Variants in EVC2 observed in about 807,000 individuals in gnomAD.
EVC2 encodes EvC ciliary complex subunit 2, also known as limbin.
A neutral mutation model predicts 149.3 loss-of-function variants in EVC2; 148 were observed. The ratio of observed to expected loss-of-function variants is 0.99; its 90% CI spans 0.87 to 1.14. The LOEUF (loss-of-function observed/expected upper bound fraction) is 1.14, where lower values mean the gene tolerates loss of function less well. Among genes scored for constraint, EVC2 ranks in the 50% most tolerant of loss-of-function variants. The probability of loss-of-function intolerance (pLI) is 0.00; values close to 1 mark genes in which losing one functional copy is unlikely to be tolerated. For missense variants in EVC2, 1,854 were observed against 1,627.3 expected, an observed-to-expected ratio of 1.14 and a Z score of -2.40; for synonymous variants, 776 against 649.9, an observed-to-expected ratio of 1.19 and a Z score of -2.95.
Position 5,681,654 on chromosome 4 carries a change from T to C in EVC2, c.817-341A>G, listed in dbSNP as rs147153335. The stretch of plus-strand genomic sequence containing the variant: ...CTCCACTCTCCCAGCGTCTGCCTCC[T>C]TCACAGAGGTAGATGGAATCCTGGG... On this transcript the variant is annotated intron_variant, in intron 6 of 21. Coordinates refer to ENST00000344408, the MANE Select transcript of EVC2 (RefSeq NM_147127.5). Among the ~76,000 whole-genome samples, 711 of 152,340 alleles carry C rather than the reference T, an allele frequency of 4.7e-3. 5 individuals carry two copies. The highest frequency in any genetic ancestry group is 0.016 in the African/African-American group (671 of 41,580).
intron 17 of EVC2, among the ~76,000 whole-genome samples, chr4:5,579,097 G>A (rs1711533075): frequency 6.6e-6 from 1 of 152,134 alleles, no homozygotes; most frequent in Non-Finnish European, 1.5e-5. Context: ...TAAATGTAGA[G>A]CTGGGGATGG....
chr4:5,684,019 CAG>C (rs1480220040), intron 6 of EVC2, among the ~76,000 whole-genome samples: 3 of 152,186 alleles, frequency 2.0e-5, no homozygotes, highest in African/African-American at 7.2e-5. Context: ...TCATTTCATT[CAG>C]AGTTTCTGAT....
intron 21 of EVC2, among the ~76,000 whole-genome samples, chr4:5,550,184 C>A (rs2108759054): frequency 6.6e-6 from 1 of 152,236 alleles, no homozygotes; most frequent in East Asian, 1.9e-4. Flanking sequence ...AATGTGGAAG[C>A]AACTTTGGAA....
intron 9 of EVC2, among the ~76,000 whole-genome samples, chr4:5,643,647 G>A (rs1026127362): frequency 1.3e-5 from 2 of 152,194 alleles, no homozygotes; most frequent in South Asian, 4.2e-4. Context: ...CAGGCTGGGT[G>A]CAGTGGCTCA....
intron 7 of EVC2, among the ~76,000 whole-genome samples, chr4:5,678,590 A>T (rs1448302765): frequency 6.6e-6 from 1 of 152,230 alleles, no homozygotes; most frequent in Non-Finnish European, 1.5e-5. Context: ...AACACCACAG[A>T]GTGACTTACA....
intron 16 of EVC2, among the ~76,000 whole-genome samples, chr4:5,591,977 GT>G (rs1288068342): frequency 6.6e-6 from 1 of 152,154 alleles, no homozygotes; most frequent in Non-Finnish European, 1.5e-5. Flanking sequence ...GCATTATAAT[GT>G]CCTTTAAACA....
intron 16 of EVC2, among the ~76,000 whole-genome samples, chr4:5,602,272 A>C (rs1204110037): frequency 1.3e-5 from 2 of 149,638 alleles, no homozygotes; most frequent in African/African-American, 5.0e-5. Flanking sequence ...CCTGAGCTAC[A>C]GAGCAAGACA....
At chr4:5,559,129 A>C (rs1292178304), downstream of EVC2, among the ~76,000 whole-genome samples, 1 of 152,134 alleles carries the variant, frequency 6.6e-6, no homozygotes, top group Non-Finnish European at 1.5e-5. This position sits in a 1 kb window ranked among gnomAD's most constrained non-coding sequence, Gnocchi z 5.0. Context: ...AGGATCACTT[A>C]ACTTGGAAAG....
chr4:5,655,067 A>G (rs925517843), intron 9 of EVC2, among the ~76,000 whole-genome samples: 2 of 152,332 alleles, frequency 1.3e-5, no homozygotes, highest in South Asian at 2.1e-4. Flanking sequence ...TTTGTCACAC[A>G]GAACTCCTCA....
At chr4:5,607,686 C>A (rs1479060286) in intron 16 of EVC2, among the ~76,000 whole-genome samples, 1 of 152,140 alleles carries the variant, frequency 6.6e-6, no homozygotes, top group South Asian at 2.1e-4. Flanking sequence ...ATTAGTTGCA[C>A]AGCCACTCAT....
intron 9 of EVC2, among the ~76,000 whole-genome samples, chr4:5,642,688 G>A (rs989522519): frequency 9.2e-5 from 14 of 152,144 alleles, no homozygotes; most frequent in African/African-American, 3.4e-4. Context: ...CTGCTTTCCA[G>A]AAGAGACCCC....
At position 5,624,492 on chromosome 4, in the gene EVC2, T is replaced by C. The variant is rs148016381; in HGVS notation, c.2046+1257A>G. Among the ~76,000 whole-genome samples the C allele has an allele frequency of 6.0e-3, 919 of 152,304 alleles. 12 individuals are homozygous for C. Among genetic ancestry groups the C allele is most frequent in the African/African-American group, 0.021 (862 of 41,566 alleles). On this transcript the variant is annotated intron_variant, in intron 13 of 21. Coordinates refer to ENST00000344408, the MANE Select transcript of EVC2 (RefSeq NM_147127.5). ...AGGTGTCAGGCAGTGTTCTCAACAG[T>C]GGGGATGCAACGTAAGTTTTTGCCT...
At chr4:5,578,832 A>C (rs368567791) in intron 17 of EVC2, among the ~76,000 whole-genome samples, 125 of 152,220 alleles carry the variant, frequency 8.2e-4, no homozygotes, top group African/African-American at 2.9e-3. Context: ...CTGCTTCGGG[A>C]TGGAGGGTTA....
At chr4:5,612,649 A>G (rs987193144) in intron 16 of EVC2, among the ~76,000 whole-genome samples, 12 of 152,268 alleles carry the variant, frequency 7.9e-5, no homozygotes, top group Admixed American at 2.6e-4. Flanking sequence ...GAGGCCGGGC[A>G]TGGTGGCTCA....
the EVC2 span, among the ~76,000 whole-genome samples, chr4:5,530,290 C>T: frequency 6.6e-6 from 1 of 152,190 alleles, no homozygotes; most frequent in Non-Finnish European, 1.5e-5. Context: ...TCCTTTACAA[C>T]AGACATTGTG....
At chr4:5,551,577 G>T (rs1334404510) in intron 21 of EVC2, among the ~76,000 whole-genome samples, 3 of 152,174 alleles carry the variant, frequency 2.0e-5, no homozygotes, top group African/African-American at 7.2e-5. Context: ...TCTTAGATGA[G>T]ACTTGGGACT....
chr4:5,628,852 T>C (rs1716325518), intron 11 of EVC2, 118 bp from the exon 12 acceptor site: 1 of 1,107,566 alleles, frequency 9.0e-7, no homozygotes. Context: ...AAAAGAAACA[T>C]GAGAATTAAC....
chr4:5,565,745 T>C (rs1282995278), intron 20 of EVC2, among the ~76,000 whole-genome samples: 2 of 151,992 alleles, frequency 1.3e-5, no homozygotes, highest in Non-Finnish European at 2.9e-5. Flanking sequence ...CCACCTTTGG[T>C]TGCCACTAGG....
intron 13 of EVC2, 105 bp from the exon 14 acceptor site, chr4:5,623,096 C>G (rs1715843576): frequency 2.9e-6 from 3 of 1,027,192 alleles, no homozygotes; most frequent in Non-Finnish European, 4.2e-6. Flanking sequence ...ATAGCCTTTT[C>G]CCCAACAATC....
Sources: gnomAD v4.1 joint callset for allele counts (sites outside exome capture counted in the v4.1 genomes callset) on GRCh38, gnomAD v4.1.1 for gene constraint, Gnocchi (gnomAD v3.1) non-coding constraint, MANE v1.5 for transcripts, NCBI Gene and HGNC (gene_info 2026-07-23, HGNC 2026-07-21) for gene names.